SS18: variants seen among roughly 807,000 people sequenced by gnomAD.
The protein encoded by SS18 is protein SSXT.
A neutral mutation model predicts 72.5 loss-of-function variants in SS18; 28 were observed. The ratio of observed to expected loss-of-function variants is 0.39; its 90% CI spans 0.29 to 0.53. The LOEUF is 0.53. Ranked by LOEUF, SS18 falls within the 20% of genes least tolerant of loss-of-function variation. The pLI is 0.76. For synonymous variants in SS18, 172 were observed against 164.2 expected, an observed-to-expected ratio of 1.05 and a Z score of -0.37; for missense variants, 518 against 535.3, an observed-to-expected ratio of 0.97 and a Z score of 0.32.
intron 2 of SS18, among the ~76,000 whole-genome samples, chr18:26,082,969 T>C (rs1487526570): frequency 6.6e-6 from 1 of 152,218 alleles, no homozygotes; most frequent in Non-Finnish European, 1.5e-5. Flanking sequence ...ATGGCTGTCA[T>C]GTATTAACGT....
At chr18:26,043,324 C>T (rs770695616) in intron 5 of SS18, among the ~76,000 whole-genome samples, 2 of 152,128 alleles carry the variant, frequency 1.3e-5, no homozygotes, top group African/African-American at 2.4e-5. Context: ...TAATATATCT[C>T]TATCACTGTA....
Position 26,090,574 on chromosome 18 carries a change from C to G in SS18, c.-5G>C. The G allele has an allele frequency of 1.3e-6, 2 of 1,579,130 alleles. No homozygotes were observed. The highest frequency in any genetic ancestry group is 1.7e-6 in the Non-Finnish European group (2 of 1,163,132). On this transcript the variant is annotated 5_prime_UTR_variant, in exon 1 of 11. Coordinates refer to ENST00000415083, the MANE Select transcript of SS18 (RefSeq NM_001007559.3). The stretch of plus-strand genomic sequence containing the variant: ...GGCCGCGAAAGCCACAGACATGTTG[C>G]CGCCGTCACCACTATCGGCAAGTCC...
At chr18:26,046,864 C>T (rs137960899) in intron 5 of SS18, among the ~76,000 whole-genome samples, 155 of 152,232 alleles carry the variant, frequency 1.0e-3, no homozygotes, top group South Asian at 2.3e-3. Flanking sequence ...AAAGTAACAT[C>T]CATCACTTAT....
chr18:26,078,359 T>A, intron 2 of SS18, 199 bp from the exon 3 acceptor site: 1 of 446,284 alleles, frequency 2.2e-6, no homozygotes, highest in Non-Finnish European at 3.9e-6. Flanking sequence ...TCTTGCCATG[T>A]ATGCTAAATA....
rs1335323380 is a variant in SS18 at position 26,035,387 on chromosome 18, C to G, written c.974-260G>C. 1 of 429,462 alleles carries G rather than the reference C, an allele frequency of 2.3e-6. No individual in the cohort carries two copies. Among genetic ancestry groups the G allele is most frequent in the Non-Finnish European group, 4.3e-6 (1 of 233,322 alleles). 26.6% of individuals were successfully genotyped at this position (429,462 alleles called of 1,614,324 possible). ...ACGAGCATTACATTTACTGGAACAT[C>G]ACAGTCATAAGATCATGACTATGCT... On this transcript the variant is annotated intron_variant, in intron 8 of 10. Transcript: ENST00000415083. The surrounding 1 kb of genome is among the most constrained non-coding windows in gnomAD (Gnocchi z 4.4).
chr18:26,052,428 T>C (rs903288404), intron 5 of SS18, among the ~76,000 whole-genome samples, 196 bp downstream of exon 5: 2 of 152,144 alleles, frequency 1.3e-5, no homozygotes, highest in Non-Finnish European at 2.9e-5. Context: ...GACATAAAAA[T>C]AAATAAGCTT....
chr18:26,053,351 T>C (rs1598571420), intron 4 of SS18, among the ~76,000 whole-genome samples: 1 of 150,440 alleles, frequency 6.6e-6, no homozygotes, highest in South Asian at 2.1e-4. Context: ...TCTAGATGAA[T>C]AGAAAACTTA....
chr18:26,027,518 T>C (rs2053467033), intron 10 of SS18, among the ~76,000 whole-genome samples: 2 of 150,366 alleles, frequency 1.3e-5, no homozygotes, highest in Non-Finnish European at 3.0e-5. Flanking sequence ...AATAAATAAT[T>C]AAAATTAGCT....
chr18:26,032,315 A>G (rs1307231499), intron 10 of SS18, 84 bp downstream of exon 10: 3 of 1,496,010 alleles, frequency 2.0e-6, no homozygotes, highest in African/African-American at 2.8e-5. Context: ...TGAGGCTTCA[A>G]GTTAAATAAA....
At chr18:26,025,682 A>C (rs1555643371) in intron 10 of SS18, among the ~76,000 whole-genome samples, 1 of 152,134 alleles carries the variant, frequency 6.6e-6, no homozygotes, top group Non-Finnish European at 1.5e-5. Flanking sequence ...TCATAAATTA[A>C]ATTTATAATT....
chr18:26,053,903 C>G (rs2053966699), intron 4 of SS18, among the ~76,000 whole-genome samples: 1 of 152,220 alleles, frequency 6.6e-6, no homozygotes, highest in Non-Finnish European at 1.5e-5. Flanking sequence ...AGGGTGGGAT[C>G]AAGCTTGAGG....
At chr18:26,090,779 CCTG>C (rs948678435), upstream of SS18, 12 of 596,888 alleles carry the variant, frequency 2.0e-5, no homozygotes, top group African/African-American at 2.3e-4. Context: ...GACCCCTAGC[CCTG>C]GCCGAACTTT....
At chr18:26,040,891 C>T (rs1380626786) in intron 5 of SS18, among the ~76,000 whole-genome samples, 1 of 152,094 alleles carries the variant, frequency 6.6e-6, no homozygotes, top group Non-Finnish European at 1.5e-5. Context: ...GCGAAGAGAA[C>T]TTAATACTGA....
chr18:26,027,338 G>T (rs983102223), intron 10 of SS18, among the ~76,000 whole-genome samples: 1 of 151,144 alleles, frequency 6.6e-6, no homozygotes, highest in East Asian at 2.0e-4. Flanking sequence ...AAGGTAAAAC[G>T]ACAATCCAGT....
intron 3 of SS18, among the ~76,000 whole-genome samples, chr18:26,066,268 T>A (rs2054214199): frequency 6.6e-6 from 1 of 152,060 alleles, no homozygotes; most frequent in Admixed American, 6.6e-5. Context: ...TCGATAAATA[T>A]TTGTTGAATG....
chr18:26,075,418 G>A (rs1299179960), intron 3 of SS18, among the ~76,000 whole-genome samples: 1 of 151,896 alleles, frequency 6.6e-6, no homozygotes, highest in East Asian at 1.9e-4. Flanking sequence ...ATGCAAGACT[G>A]ACTGAGCATT....
intron 10 of SS18, 78 bp from the exon 11 acceptor site, chr18:26,018,458 C>T: frequency 8.6e-7 from 1 of 1,156,200 alleles, no homozygotes; most frequent in Non-Finnish European, 1.2e-6. Flanking sequence ...CGAATCATTT[C>T]TAACACTGTC....
At chr18:26,055,826 C>T (rs913994821) in intron 4 of SS18, among the ~76,000 whole-genome samples, 3 of 136,876 alleles carry the variant, frequency 2.2e-5, no homozygotes, top group Non-Finnish European at 3.1e-5. Flanking sequence ...GGCGTGATTT[C>T]GGCTCACTGC....
chr18:26,057,695 G>T lies in SS18; in HGVS notation c.279C>A (p.Ser93Arg). The change falls in exon 4 of 11, where the codon AGC becomes AGA. Residue 93 changes from serine (S) to arginine (R), a missense_variant. Coordinates refer to ENST00000415083, the MANE Select transcript of SS18 (RefSeq NM_001007559.3). ...MPMGPGGMNQ[S>R]GPPPPPRSHN... ...GAGAGCGTGGAGGTGGGGGAGGGCC[G>T]CTCTGATTCATCCCTCCAGGACCCA... The T allele has an allele frequency of 4.3e-6, 7 of 1,614,052 alleles. No homozygotes were observed. Among genetic ancestry groups the T allele is most frequent in the Non-Finnish European group, 5.1e-6 (6 of 1,180,000 alleles).
Sources: allele counts gnomAD v4.1 joint callset (sites outside exome capture counted in the v4.1 genomes callset), GRCh38; gene constraint gnomAD v4.1.1; non-coding constraint Gnocchi (gnomAD v3.1); transcripts MANE v1.5; gene names NCBI Gene and HGNC (gene_info 2026-07-23, HGNC 2026-07-21).